POLD3: variants seen among roughly 807,000 people sequenced by gnomAD.
POLD3 encodes the protein DNA polymerase delta subunit 3.
POLD3 carries 19 observed loss-of-function variants against 58.2 expected under a neutral mutation model. The observed-to-expected ratio is 0.33, with a 90% CI of 0.23 to 0.48. POLD3 has a LOEUF of 0.48. POLD3 is among the 20% of genes least tolerant of loss of function. The probability of loss-of-function intolerance (pLI) is 0.99; values close to 1 mark genes in which losing one functional copy is unlikely to be tolerated. For synonymous variants in POLD3, 172 were observed against 193.5 expected (o/e 0.89, Z 0.92); for missense variants, 504 against 545.5 (o/e 0.92, Z 0.76).
In POLD3 at chr11:74,592,638, G is replaced by A. The variant is rs1226081669; in HGVS notation, c.-21G>A. The stretch of plus-strand genomic sequence containing the variant: ...TGTGATTGAGAGAGGGGTTAGAGGC[G>A]GGTCCCAGCGCTGCCGCACCATGGC... On this transcript the variant is annotated 5_prime_UTR_variant, in exon 1 of 12. Coordinates refer to ENST00000263681, the MANE Select transcript of POLD3 (RefSeq NM_006591.3). 6 of 1,602,958 alleles carry A rather than the reference G, an allele frequency of 3.7e-6. No individual in the cohort carries two copies. In the East Asian group the frequency reaches 6.8e-5, roughly 18 times the overall value.
intron 3 of POLD3, among the ~76,000 whole-genome samples, chr11:74,611,247 A>T (rs1370091740): frequency 6.6e-6 from 1 of 152,216 alleles, no homozygotes; most frequent in East Asian, 1.9e-4. Flanking sequence ...TTTTAATTGT[A>T]GTACTGAAAT....
chr11:74,661,264 G>C (rs1026889060), intron 4 of POLD3, among the ~76,000 whole-genome samples: 1 of 152,110 alleles, frequency 6.6e-6, no homozygotes, highest in Non-Finnish European at 1.5e-5. Context: ...GTGGATGTTT[G>C]TCAGTGTCTA....
chr11:74,646,392 G>A (rs1893362), downstream of POLD3, among the ~76,000 whole-genome samples: 130,373 of 152,234 alleles, frequency 0.86, 56,361 homozygotes, highest in African/African-American at 0.97. Context: ...CATCTTCTCT[G>A]CAGCATCCCT....
chr11:74,640,794 T>G lies in POLD3; in HGVS notation c.*28T>G. Reference sequence around the variant, plus strand: ...TGCCATCTCTGGTAGATCAGAGACTTGGAGTGGTCAAGGGAGAAGACCAAG... The same window carrying G: ...TGCCATCTCTGGTAGATCAGAGACTGGGAGTGGTCAAGGGAGAAGACCAAG... On this transcript the variant is annotated 3_prime_UTR_variant, in exon 12 of 12. Transcript: ENST00000263681. The G allele has an allele frequency of 6.5e-7, 1 of 1,542,816 alleles. No individual in the cohort carries two copies.
chr11:74,609,336 A>G (rs1195863923), intron 3 of POLD3, among the ~76,000 whole-genome samples: 2 of 102,758 alleles, frequency 1.9e-5, no homozygotes, highest in Non-Finnish European at 3.8e-5. Flanking sequence ...TTCTCCTTCC[A>G]TTGTTTTTGA....
intron 4 of POLD3, among the ~76,000 whole-genome samples, chr11:74,612,147 A>G (rs2031935291): frequency 6.6e-6 from 1 of 152,202 alleles, no homozygotes; most frequent in Admixed American, 6.5e-5. Context: ...GACACAAAAA[A>G]TATGTGTATT....
At chr11:74,605,881 C>T (rs773361955) in intron 3 of POLD3, among the ~76,000 whole-genome samples, 7 of 152,042 alleles carry the variant, frequency 4.6e-5, no homozygotes, top group Admixed American at 2.0e-4. Context: ...CCCAGGAGTT[C>T]GAGACCAACC....
At chr11:74,607,278 T>TTTATTTA (rs1565114194) in intron 3 of POLD3, among the ~76,000 whole-genome samples, 5 of 103,788 alleles carry the variant, frequency 4.8e-5, no homozygotes, top group African/African-American at 1.2e-4. Context: ...TTATTTATTT[T>TTTATTTA]TTGAGACCGA....
chr11:74,609,893 A>G (rs74980883), intron 3 of POLD3, among the ~76,000 whole-genome samples: 4,186 of 152,248 alleles, frequency 0.027, 224 homozygotes, highest in African/African-American at 0.095. Flanking sequence ...TTATTCAGCA[A>G]TCCCTTATTG....
intron 2 of POLD3, among the ~76,000 whole-genome samples, chr11:74,598,668 G>C (rs982125497): frequency 6.6e-6 from 1 of 152,150 alleles, no homozygotes; most frequent in Non-Finnish European, 1.5e-5. Flanking sequence ...TGGGCCTTTA[G>C]CTGGGGCAGT....
In POLD3 at chr11:74,651,516, AACAATT is replaced by A. The variant is rs1186086619; in HGVS notation, c.369+15243_369+15248del. Among the ~76,000 whole-genome samples, 18 of 152,350 alleles carry A rather than the reference AACAATT, an allele frequency of 1.2e-4. No homozygotes were observed. In the East Asian group the frequency reaches 3.3e-3, roughly 28 times the overall value. ...AGACAACCAAATAAATAATTGCATGAACAATTATGTAATGACCATTGTGATAAGCCT... is the reference window on the plus strand; with the variant it reads ...AGACAACCAAATAAATAATTGCATGAATGTAATGACCATTGTGATAAGCCT... On this transcript the variant is annotated intron_variant, in intron 4 of 4. Coordinates refer to the POLD3 transcript ENST00000524752.
intron 4 of POLD3, among the ~76,000 whole-genome samples, chr11:74,662,543 T>C (rs896554095): frequency 6.6e-6 from 1 of 152,028 alleles, no homozygotes; most frequent in Non-Finnish European, 1.5e-5. Context: ...GTGCCTGAGC[T>C]GGTATCCAAA....
chr11:74,613,185 C>T (rs1376457083), intron 5 of POLD3, among the ~76,000 whole-genome samples, 175 bp downstream of exon 5: 3 of 151,986 alleles, frequency 2.0e-5, no homozygotes, highest in Non-Finnish European at 4.4e-5. Flanking sequence ...GCAGCCACAA[C>T]CCATATTGAA....
intron 4 of POLD3, among the ~76,000 whole-genome samples, chr11:74,659,918 CCA>C (rs1211909684): frequency 6.6e-6 from 1 of 152,190 alleles, no homozygotes; most frequent in African/African-American, 2.4e-5. Flanking sequence ...AAACTCACTT[CCA>C]CAGTTTTGGG....
intron 5 of POLD3, among the ~76,000 whole-genome samples, chr11:74,614,101 G>C (rs1369788423): frequency 6.6e-6 from 1 of 152,192 alleles, no homozygotes; most frequent in African/African-American, 2.4e-5. Flanking sequence ...GAAATAATTA[G>C]ATAGAAGACT....
At position 74,642,425 on chromosome 11, in the gene POLD3, T is replaced by C. The variant is rs1386759097; in HGVS notation, c.*1659T>C. On this transcript the variant is annotated 3_prime_UTR_variant, in exon 12 of 12. Coordinates refer to ENST00000263681, the MANE Select transcript of POLD3 (RefSeq NM_006591.3). The stretch of plus-strand genomic sequence containing the variant: ...TTAAACAGTTACTTTTGTCATTGCC[T>C]CTGGTCATTTGTCTAAATAGGAATG... The C allele has an allele frequency of 1.1e-5, 11 of 985,224 alleles. No homozygotes were observed. Among genetic ancestry groups the C allele is most frequent in the Non-Finnish European group, 1.3e-5 (11 of 829,724 alleles). The allele number at this position is 985,224 out of a possible 1,614,324, so 61.0% of individuals were successfully genotyped here. A position where few individuals can be genotyped will look rare whatever the true frequency, so the allele number is the denominator to read the frequency against.
At chr11:74,622,499 TAATC>T (rs1221591886) in intron 7 of POLD3, among the ~76,000 whole-genome samples, 1 of 152,222 alleles carries the variant, frequency 6.6e-6, no homozygotes, top group Non-Finnish European at 1.5e-5. Context: ...TATTAAATAT[TAATC>T]TAAAAATTGC....
chr11:74,633,311 C>T (rs1392210205), intron 9 of POLD3, among the ~76,000 whole-genome samples: 1 of 152,204 alleles, frequency 6.6e-6, no homozygotes, highest in African/African-American at 2.4e-5. Flanking sequence ...CCTCCCAGAG[C>T]TGGCTAATAG....
intron 3 of POLD3, among the ~76,000 whole-genome samples, chr11:74,610,893 C>T (rs543533987): frequency 6.6e-6 from 1 of 152,060 alleles, no homozygotes; most frequent in South Asian, 2.1e-4. Context: ...TCCTACCTCA[C>T]CCCCCTGAGT....
Sources: allele counts gnomAD v4.1 joint callset (sites outside exome capture counted in the v4.1 genomes callset), GRCh38; gene constraint gnomAD v4.1.1; transcripts MANE v1.5; gene names NCBI Gene and HGNC (gene_info 2026-07-23, HGNC 2026-07-21).